MAP2: variants seen among roughly 807,000 people sequenced by gnomAD.
The protein encoded by MAP2 is microtubule associated protein 2, also known as microtubule-associated protein 2.
In MAP2, 14 loss-of-function variants were observed where a neutral mutation model predicts 137.6. The observed-to-expected ratio is 0.10, with a 90% CI of 0.07 to 0.16. MAP2 has a LOEUF of 0.16. Among genes scored for constraint, MAP2 ranks in the 10% least tolerant of loss-of-function variants. MAP2 has a pLI of 1.00. For missense variants in MAP2, 2,088 were observed against 2,191.5 expected, an observed-to-expected ratio of 0.95 and a Z score of 0.94; for synonymous variants, 786 against 782.3, an observed-to-expected ratio of 1.00 and a Z score of -0.08.
intron 2 of MAP2, among the ~76,000 whole-genome samples, chr2:209,574,492 C>T (rs2074990465): frequency 6.6e-6 from 1 of 151,208 alleles, no homozygotes; most frequent in Admixed American, 6.6e-5. Flanking sequence ...TTTATCCATT[C>T]ATCCATCTAC....
At chr2:209,559,017 C>T (rs950159812) in intron 2 of MAP2, among the ~76,000 whole-genome samples, 10 of 152,092 alleles carry the variant, frequency 6.6e-5, no homozygotes, top group Non-Finnish European at 8.8e-5. Flanking sequence ...TATCCTGTTT[C>T]CCCACATTCT....
chr2:209,653,135 C>A lies in MAP2; in HGVS notation c.-29-7C>A. 6.5e-7 allele frequency: 1 copy of A among 1,539,236 alleles called. No homozygotes were observed. Among genetic ancestry groups the A allele is most frequent in the South Asian group, 1.3e-5 (1 of 77,830 alleles). On this transcript the variant is annotated splice_polypyrimidine_tract_variant and splice_region_variant and intron_variant, in intron 4 of 15. Transcript: ENST00000682079. ...CAAAGTAATAGCTACTATTTTTTCT[C>A]TTTCAGTTGCAGGAGAAATAACAAG...
At chr2:209,512,678 G>C (rs1321131435) in intron 2 of MAP2, among the ~76,000 whole-genome samples, 1 of 151,750 alleles carries the variant, frequency 6.6e-6, no homozygotes, top group Admixed American at 6.6e-5. Flanking sequence ...GCCTCACTCT[G>C]TTGCCCGGAC....
At chr2:209,455,589 A>C (rs571051273) in intron 1 of MAP2, among the ~76,000 whole-genome samples, 1 of 152,318 alleles carries the variant, frequency 6.6e-6, no homozygotes, top group South Asian at 2.1e-4. Flanking sequence ...CACTTCAAAA[A>C]TTATTAGCAT....
chr2:209,646,525 A>G (rs2094433583), intron 4 of MAP2, among the ~76,000 whole-genome samples: 1 of 152,238 alleles, frequency 6.6e-6, no homozygotes, highest in Admixed American at 6.5e-5. Flanking sequence ...TAAATATAAG[A>G]AAATCCTAAT....
At position 209,490,605 on chromosome 2, in the gene MAP2, C is replaced by CAAAAAAAAA. The variant is rs59133937; in HGVS notation, c.-221-16965_-221-16957dup. ...GAAGATTTACCAAGCAAATGGAAAG[C>CAAAAAAAAA]AAAAAAAAAAAAAAAAAAAAAAAAA... is the stretch of plus-strand genomic sequence containing the variant. On this transcript the variant is annotated intron_variant, in intron 1 of 15. Transcript: ENST00000682079. Among the ~76,000 whole-genome samples the CAAAAAAAAA allele has an allele frequency of 1.8e-3, 10 of 5,562 alleles. 2 individuals carry two copies. The highest frequency in any genetic ancestry group is 2.0e-3 in the Non-Finnish European group (7 of 3,548). The allele number at this position is 5,562 out of a possible 152,430, so 3.6% of individuals were successfully genotyped here. A position where few individuals can be genotyped will look rare whatever the true frequency, so the allele number is the denominator to read the frequency against.
intron 1 of MAP2, among the ~76,000 whole-genome samples, chr2:209,440,394 CATTT>C (rs1358266202): frequency 6.6e-6 from 1 of 151,514 alleles, no homozygotes; most frequent in African/African-American, 2.4e-5. Flanking sequence ...AAACCTCATT[CATTT>C]GTCTAAAATA....
chr2:209,690,545 T>G, intron 7 of MAP2: 1 of 1,199,128 alleles, frequency 8.3e-7, no homozygotes, highest in African/African-American at 1.6e-5. Context: ...TAGCAATATT[T>G]CTGTCGTTTC....
chr2:209,479,642 A>T (rs1035115523), intron 1 of MAP2, among the ~76,000 whole-genome samples: 6 of 152,166 alleles, frequency 3.9e-5, no homozygotes, highest in Admixed American at 3.9e-4. Flanking sequence ...TTATAGAAAA[A>T]TTCAGAGATT....
intron 3 of MAP2, among the ~76,000 whole-genome samples, chr2:209,585,204 T>G (rs966375575): frequency 7.9e-5 from 12 of 151,030 alleles, no homozygotes; most frequent in African/African-American, 2.9e-4. Flanking sequence ...TGGCAGTACC[T>G]GCATTTAAGA....
chr2:209,561,491 A>G (rs2072074121), intron 2 of MAP2, among the ~76,000 whole-genome samples: 1 of 152,220 alleles, frequency 6.6e-6, no homozygotes, highest in South Asian at 2.1e-4. Context: ...TGGAGAAGTT[A>G]TTTAACCTCT....
intron 13 of MAP2, among the ~76,000 whole-genome samples, chr2:209,716,682 A>G (rs2067780199): frequency 6.6e-6 from 1 of 152,140 alleles, no homozygotes; most frequent in African/African-American, 2.4e-5. Context: ...TTAAGAGCTG[A>G]GTTAGTGGTC....
At chr2:209,495,690 T>C (rs2059668100) in intron 1 of MAP2, among the ~76,000 whole-genome samples, 1 of 152,252 alleles carries the variant, frequency 6.6e-6, no homozygotes, top group Non-Finnish European at 1.5e-5. Context: ...TAGTATCTGC[T>C]GTGTTTGGCC....
Position 209,733,903 on chromosome 2 carries a change from A to G in MAP2, c.*3506A>G, listed in dbSNP as rs2076111076. On this transcript the variant is annotated 3_prime_UTR_variant, in exon 16 of 16. Coordinates refer to ENST00000682079, the MANE Select transcript of MAP2 (RefSeq NM_001375505.1). Reference sequence around the variant, plus strand: ...AAAGAAAAAAAAATCAACAAAAAGTATACTCTGTATGCTGGGATTCCGAGG... The same window carrying G: ...AAAGAAAAAAAAATCAACAAAAAGTGTACTCTGTATGCTGGGATTCCGAGG... 4.6e-5 allele frequency: 7 copies of G among 152,630 alleles called. No homozygotes were observed. Among genetic ancestry groups the G allele is most frequent in the Admixed American group, 4.6e-4 (7 of 15,274 alleles). 9.5% of individuals were successfully genotyped at this position (152,630 alleles called of 1,614,324 possible).
chr2:209,607,469 T>G (rs2085176165), intron 3 of MAP2, among the ~76,000 whole-genome samples: 1 of 152,208 alleles, frequency 6.6e-6, no homozygotes, highest in South Asian at 2.1e-4. Context: ...GAGGCTCACT[T>G]TGTTGCCCAG....
At chr2:209,615,010 T>C (rs955602504) in intron 3 of MAP2, among the ~76,000 whole-genome samples, 1 of 152,188 alleles carries the variant, frequency 6.6e-6, no homozygotes, top group African/African-American at 2.4e-5. Flanking sequence ...GCACAGCCTG[T>C]ATTTCCCTCT....
At chr2:209,527,986 C>T (rs1039222810) in intron 2 of MAP2, among the ~76,000 whole-genome samples, 1 of 152,074 alleles carries the variant, frequency 6.6e-6, no homozygotes, top group African/African-American at 2.4e-5. Flanking sequence ...TCATATTATA[C>T]GAAGTTCTCT....
chr2:209,460,841 C>T lies in MAP2; in HGVS notation c.-222+36565C>T, dbSNP rs892848550. ...TTGGCTCACTGCAACCTCTGCCTCC[C>T]GGGTTCAAGTGATTCTCCTGCCTCA... On this transcript the variant is annotated intron_variant, in intron 1 of 15. Coordinates refer to ENST00000682079, the MANE Select transcript of MAP2 (RefSeq NM_001375505.1). Among the ~76,000 whole-genome samples, 14 of 152,078 alleles carry T rather than the reference C, an allele frequency of 9.2e-5. No individual in the cohort carries two copies. In the South Asian group the frequency reaches 1.5e-3, roughly 16 times the overall value.
In MAP2 at chr2:209,678,599, T is replaced by A. The variant is rs763273074; in HGVS notation, c.290T>A (p.Val97Glu). 1.7e-5 allele frequency: 27 copies of A among 1,600,322 alleles called. No individual in the cohort carries two copies. Among genetic ancestry groups the A allele is most frequent in the Non-Finnish European group, 2.2e-5 (26 of 1,173,044 alleles). Residue 97 changes from valine (V) to glutamate (E), a missense_variant, in exon 6 of 16, where the codon GTA (valine) becomes GAA (glutamate). By Grantham distance (121) the Val-to-Glu change is moderately radical. Coordinates refer to ENST00000682079, the MANE Select transcript of MAP2 (RefSeq NM_001375505.1). ...GAGGTGTCTGCAAGGATAGTTCAAG[T>A]AGTCACTGCTGAGGCTGTAGCAGTC... The part of the protein sequence containing the change: ...AEEVSARIVQ[V>E]VTAEAVAVLK...
Sources: allele counts gnomAD v4.1 joint callset (sites outside exome capture counted in the v4.1 genomes callset), GRCh38; gene constraint gnomAD v4.1.1; transcripts MANE v1.5; gene names NCBI Gene and HGNC (gene_info 2026-07-23, HGNC 2026-07-21).